Variants in MBOAT1 observed in about 807,000 individuals in gnomAD.
MBOAT1 encodes the protein membrane bound glycerophospholipid O-acyltransferase 1, also known as membrane-bound glycerophospholipid O-acyltransferase 1.
A neutral mutation model predicts 64.4 loss-of-function variants in MBOAT1; 67 were observed. The observed-to-expected ratio is 1.04, with a 90% CI of 0.85 to 1.27. The LOEUF (loss-of-function observed/expected upper bound fraction) is 1.27. Ranked by LOEUF, MBOAT1 falls within the 50% of genes most tolerant of loss-of-function variation. The pLI is 0.00. For missense variants in MBOAT1, 563 were observed against 604.6 expected (o/e 0.93, Z 0.72); for synonymous variants, 229 against 218.9 (o/e 1.05, Z -0.41).
At chr6:20,105,779 T>C (rs1759939428) in intron 12 of MBOAT1, among the ~76,000 whole-genome samples, 1 of 152,004 alleles carries the variant, frequency 6.6e-6, no homozygotes, top group Non-Finnish European at 1.5e-5. Flanking sequence ...AGACCCCAAC[T>C]CAAAAAACAA....
intron 1 of MBOAT1, among the ~76,000 whole-genome samples, chr6:20,168,210 C>T (rs1762065341): frequency 6.6e-6 from 1 of 152,122 alleles, no homozygotes; most frequent in Non-Finnish European, 1.5e-5. Context: ...TAGACATACA[C>T]ATTTGAAATA....
chr6:20,202,215 A>C (rs1443698248), intron 1 of MBOAT1, among the ~76,000 whole-genome samples: 2 of 152,202 alleles, frequency 1.3e-5, no homozygotes, highest in Admixed American at 1.3e-4. Flanking sequence ...AAAATAAATA[A>C]ACAAATGAAT....
intron 1 of MBOAT1, among the ~76,000 whole-genome samples, chr6:20,185,921 C>G (rs1336761577): frequency 1.3e-5 from 2 of 152,276 alleles, no homozygotes; most frequent in South Asian, 4.1e-4. Flanking sequence ...GGGGCTCATG[C>G]CTCTAATCCC....
chr6:20,133,329 T>G (rs1163158417), intron 4 of MBOAT1, among the ~76,000 whole-genome samples: 3 of 152,216 alleles, frequency 2.0e-5, no homozygotes, highest in African/African-American at 7.2e-5. Context: ...AAATTGCTCT[T>G]GCAGAAGCAT....
intron 1 of MBOAT1, among the ~76,000 whole-genome samples, chr6:20,188,108 C>T (rs761077297): frequency 2.6e-5 from 4 of 152,250 alleles, no homozygotes; most frequent in Non-Finnish European, 2.9e-5. Context: ...GGGCATCTAA[C>T]GAGAAGGATT....
intron 1 of MBOAT1, among the ~76,000 whole-genome samples, chr6:20,206,234 C>T (rs914746788): frequency 6.6e-6 from 1 of 152,130 alleles, no homozygotes; most frequent in Non-Finnish European, 1.5e-5. Flanking sequence ...AGTACAGTGG[C>T]ACAATCTTGG....
chr6:20,154,733 A>T (rs904362490), intron 1 of MBOAT1, among the ~76,000 whole-genome samples: 1 of 152,178 alleles, frequency 6.6e-6, no homozygotes, highest in African/African-American at 2.4e-5. Flanking sequence ...CAATGAACAC[A>T]CACAAACACA....
At chr6:20,117,790 C>T (rs531748254) in intron 9 of MBOAT1, among the ~76,000 whole-genome samples, 10 of 152,214 alleles carry the variant, frequency 6.6e-5, no homozygotes, top group Non-Finnish European at 1.2e-4. Context: ...TCCTCCCATT[C>T]AGCTGCAAGG....
At chr6:20,107,757 G>A (rs1361909855) in intron 12 of MBOAT1, among the ~76,000 whole-genome samples, 1 of 151,492 alleles carries the variant, frequency 6.6e-6, no homozygotes, top group Non-Finnish European at 1.5e-5. Flanking sequence ...TCTTGTATGA[G>A]GCAATATCAG....
chr6:20,156,059 G>A (rs562017795), intron 1 of MBOAT1, among the ~76,000 whole-genome samples: 86 of 152,100 alleles, frequency 5.7e-4, no homozygotes, highest in African/African-American at 2.0e-3. Flanking sequence ...ACGAGGTCAG[G>A]AGATGGAGAC....
chr6:20,211,095 G>A (rs1030906207), intron 1 of MBOAT1, among the ~76,000 whole-genome samples: 12 of 152,264 alleles, frequency 7.9e-5, no homozygotes, highest in African/African-American at 2.9e-4. Context: ...TTCTCAGTCA[G>A]GTCCTCAGAG....
Position 20,100,887 on chromosome 6 carries a change from G to C in MBOAT1, c.*1399C>G, listed in dbSNP as rs576965531. Among the ~76,000 whole-genome samples, 1 of 151,776 alleles carries C rather than the reference G, an allele frequency of 6.6e-6. No homozygotes were observed. Among genetic ancestry groups the C allele is most frequent in the Non-Finnish European group, 1.5e-5 (1 of 67,964 alleles). On this transcript the variant is annotated 3_prime_UTR_variant, in exon 13 of 13. Transcript: ENST00000324607. ...ATACCAAGTTTCCTTCTCTCACATA[G>C]AATATTACCCAATAGAAGTCTCCAA...
chr6:20,144,220 C>A lies in MBOAT1; in HGVS notation c.419G>T (p.Gly140Val), dbSNP rs796831503. Residue 140 changes from glycine to valine, a missense_variant and splice_region_variant, in exon 4 of 13, where the codon GGG becomes GTG. Transcript: ENST00000324607. The part of the protein sequence containing the change: ...HYGILTTDFS[G>V]PLMIVTQKIT... ...CCTCTCTCTAATGTAAGATACTTAC[C>A]CAGAAAAATCCGTAGTGAGAATTCC... The A allele has an allele frequency of 1.4e-5, 23 of 1,602,606 alleles. No individual in the cohort carries two copies. The highest frequency in any genetic ancestry group is 1.8e-5 in the Non-Finnish European group (21 of 1,170,708).
rs1759749321 is a variant in MBOAT1 at position 20,100,128 on chromosome 6, T to C, written c.*2158A>G. 6.6e-6 allele frequency among the ~76,000 whole-genome samples: 1 copy of C among 152,214 alleles called. No individual in the cohort carries two copies. Among genetic ancestry groups the C allele is most frequent in the Non-Finnish European group, 1.5e-5 (1 of 68,042 alleles). On this transcript the variant is annotated 3_prime_UTR_variant, in exon 13 of 13. Coordinates refer to ENST00000324607, the MANE Select transcript of MBOAT1 (RefSeq NM_001080480.3). ...AGAGTCCTTGGCAAACCAGGGCAGCTGGTCACCAAAGCAGACACCTCTGCT... is the reference window on the plus strand; with the variant it reads ...AGAGTCCTTGGCAAACCAGGGCAGCCGGTCACCAAAGCAGACACCTCTGCT...
At chr6:20,136,236 TA>T (rs1760987172) in intron 4 of MBOAT1, among the ~76,000 whole-genome samples, 2 of 152,218 alleles carry the variant, frequency 1.3e-5, no homozygotes, top group African/African-American at 4.8e-5. Context: ...CAGAGTTCAT[TA>T]GTATCTATTC....
chr6:20,182,729 G>T (rs1762544233), intron 1 of MBOAT1, among the ~76,000 whole-genome samples: 1 of 152,154 alleles, frequency 6.6e-6, no homozygotes. Context: ...CACGGCAGGG[G>T]TAAATCAGAA....
intron 11 of MBOAT1, among the ~76,000 whole-genome samples, chr6:20,111,153 C>T (rs1760126620): frequency 1.3e-5 from 2 of 152,188 alleles, no homozygotes; most frequent in Admixed American, 6.5e-5. Context: ...AGGATATACT[C>T]CTTTGTAGAT....
chr6:20,127,060 A>C (rs921327992), intron 6 of MBOAT1, among the ~76,000 whole-genome samples: 3 of 152,172 alleles, frequency 2.0e-5, no homozygotes, highest in African/African-American at 7.2e-5. Flanking sequence ...GCGGAACCTG[A>C]CCTAATGTTA....
intron 1 of MBOAT1, among the ~76,000 whole-genome samples, chr6:20,202,007 G>A (rs1763136007): frequency 6.6e-6 from 1 of 152,098 alleles, no homozygotes; most frequent in Admixed American, 6.5e-5. Flanking sequence ...AAATAATACT[G>A]GGGCAGGGGG....
Sources: allele counts gnomAD v4.1 joint callset (sites outside exome capture counted in the v4.1 genomes callset), GRCh38; gene constraint gnomAD v4.1.1; transcripts MANE v1.5; gene names NCBI Gene and HGNC (gene_info 2026-07-23, HGNC 2026-07-21).